The following TBXAS1 variants were observed in gnomAD, a reference collection of about 807,000 sequenced individuals.
TBXAS1 encodes thromboxane A synthase 1.
TBXAS1 carries 48 observed loss-of-function variants against 60.7 expected under a neutral mutation model. The observed-to-expected ratio is 0.79, with a 90% CI of 0.63 to 1.01. The LOEUF (loss-of-function observed/expected upper bound fraction) is 1.01. Ranked by LOEUF, TBXAS1 falls within the 50% of genes least tolerant of loss-of-function variation. The pLI is 0.00. For synonymous variants in TBXAS1, 287 were observed against 269.7 expected (o/e 1.06, Z -0.63); for missense variants, 685 against 686.3 (o/e 1.00, Z 0.02).
At chr7:140,007,045 T>C (rs551267952) in intron 9 of TBXAS1, 46 bp from the exon 10 acceptor site, 13 of 1,533,352 alleles carry the variant, frequency 8.5e-6, no homozygotes, top group Non-Finnish European at 6.3e-6. Flanking sequence ...TGCTGTGAGA[T>C]TTGGGCTAAC....
At chr7:139,784,821 T>A (rs1797135061) in intron 3 of TBXAS1, among the ~76,000 whole-genome samples, 1 of 152,294 alleles carries the variant, frequency 6.6e-6, no homozygotes, top group East Asian at 1.9e-4. Context: ...TGTACAGGAC[T>A]GGAGCTCAGC....
chr7:139,976,101 C>T (rs774309090), intron 9 of TBXAS1, among the ~76,000 whole-genome samples: 3 of 152,122 alleles, frequency 2.0e-5, no homozygotes, highest in Non-Finnish European at 2.9e-5. Context: ...CATCATTTTC[C>T]TTGTTAGGGA....
rs549099255 is a variant in TBXAS1, at chr7:139,863,629, C to T, written c.90-8606C>T. Among the ~76,000 whole-genome samples, 6 of 152,234 alleles carry T rather than the reference C, an allele frequency of 3.9e-5. No homozygotes were observed. The East Asian group carries it at 1.2e-3, about 29-fold the overall frequency. Reference sequence around the variant, plus strand: ...AAATGTACAGAATGCAGATAAAGAACTACTTAGAGGAAGATTTATAGCTTT... The same window carrying T: ...AAATGTACAGAATGCAGATAAAGAATTACTTAGAGGAAGATTTATAGCTTT... On this transcript the variant is annotated intron_variant, in intron 1 of 12. Transcript: ENST00000448866.
chr7:139,918,737 C>T (rs1424377244), intron 4 of TBXAS1, among the ~76,000 whole-genome samples: 4 of 152,248 alleles, frequency 2.6e-5, no homozygotes, highest in African/African-American at 7.2e-5. Flanking sequence ...GCTGACTAGG[C>T]AGATAGAGCC....
intron 9 of TBXAS1, among the ~76,000 whole-genome samples, chr7:139,997,977 T>C (rs1187624811): frequency 2.0e-5 from 3 of 152,188 alleles, no homozygotes; most frequent in Admixed American, 1.3e-4. Flanking sequence ...ACAACTCAAA[T>C]GTCCATTGAC....
intron 5 of TBXAS1, among the ~76,000 whole-genome samples, chr7:139,947,714 A>G (rs1042911628): frequency 1.3e-5 from 2 of 152,176 alleles, no homozygotes; most frequent in Non-Finnish European, 2.9e-5. Context: ...TCAGCCTCAC[A>G]CTCGGCATCA....
At chr7:139,875,941 C>T (rs919711392) in intron 3 of TBXAS1, 13 of 446,944 alleles carry the variant, frequency 2.9e-5, no homozygotes, top group African/African-American at 8.0e-5. Context: ...GGTGTTGCCA[C>T]GGGATGTGGT....
chr7:140,015,525 G>A (rs926094754), intron 10 of TBXAS1, among the ~76,000 whole-genome samples, 198 bp from the exon 11 acceptor site: 5 of 152,180 alleles, frequency 3.3e-5, no homozygotes, highest in Non-Finnish European at 7.3e-5. Context: ...CTCCTGGGCA[G>A]TGAGTGGTAA....
At position 140,003,559 on chromosome 7, in the gene TBXAS1, T is replaced by C. The variant is rs117199647; in HGVS notation, c.1135-3532T>C. Among the ~76,000 whole-genome samples the C allele has an allele frequency of 7.3e-3, 1,109 of 152,356 alleles. 11 individuals are homozygous for C. The highest frequency in any genetic ancestry group is 0.012 in the Non-Finnish European group (835 of 68,030). ...AAGCACAGTTAAAAAGAGAAAAGCC[T>C]ATCTAGGGAAAGAGTAAAGACTTTG... On this transcript the variant is annotated intron_variant, in intron 9 of 12. Coordinates refer to ENST00000448866, the MANE Select transcript of TBXAS1 (RefSeq NM_001061.7).
intron 1 of TBXAS1, among the ~76,000 whole-genome samples, chr7:139,835,849 C>A (rs1799021234): frequency 6.6e-6 from 1 of 152,068 alleles, no homozygotes; most frequent in Admixed American, 6.6e-5. Flanking sequence ...TCACTGTTTG[C>A]TGACAATACA....
intron 9 of TBXAS1, among the ~76,000 whole-genome samples, chr7:139,998,009 G>A (rs7789470): frequency 6.6e-6 from 1 of 152,010 alleles, no homozygotes; most frequent in Non-Finnish European, 1.5e-5. Flanking sequence ...TGGATAAATC[G>A]GGGCAGCTCA....
intron 4 of TBXAS1, among the ~76,000 whole-genome samples, chr7:139,933,109 G>A (rs1807465706): frequency 6.6e-6 from 1 of 152,008 alleles, no homozygotes; most frequent in Non-Finnish European, 1.5e-5. Context: ...ATAATCAATA[G>A]CCCCAAATGA....
At chr7:139,828,388 G>T (rs188178601), upstream of TBXAS1, among the ~76,000 whole-genome samples, 5 of 152,246 alleles carry the variant, frequency 3.3e-5, no homozygotes, top group East Asian at 9.6e-4. Context: ...CAATATTGGG[G>T]GATTGTGTTG....
rs935690936 is a variant in TBXAS1, at chr7:139,882,215, T to C, written c.236+6578T>C. Among the ~76,000 whole-genome samples, 63 of 152,204 alleles carry C rather than the reference T, an allele frequency of 4.1e-4. 1 individual carries two copies. Among genetic ancestry groups the C allele is most frequent in the Admixed American group, 2.6e-4 (4 of 15,278 alleles). On this transcript the variant is annotated intron_variant, in intron 3 of 12. Transcript: ENST00000448866. ...CATCATGGATCAAGAACAACGGGAA[T>C]TGAAGGGCTCTGAAAGACTCACCTG...
At chr7:139,862,185 T>G (rs1421188355) in intron 1 of TBXAS1, among the ~76,000 whole-genome samples, 1 of 152,116 alleles carries the variant, frequency 6.6e-6, no homozygotes, top group African/African-American at 2.4e-5. Flanking sequence ...GGACTGGAGC[T>G]CAGTGGAGAA....
In TBXAS1 at chr7:139,780,397, G is replaced by A. The variant is rs141755390; in HGVS notation, c.-317-343G>A. ...TAGTGGCTACCATTTTGGACAAGGT[G>A]TCTCTAGACTGTAAGCTCAGTAAGG... On this transcript the variant is annotated intron_variant, in intron 1 of 16. Coordinates refer to the TBXAS1 transcript ENST00000336425. 1.9e-3 allele frequency among the ~76,000 whole-genome samples: 292 copies of A among 152,344 alleles called. 1 individual carries two copies. Among genetic ancestry groups the A allele is most frequent in the African/African-American group, 6.7e-3 (277 of 41,582 alleles).
At chr7:139,972,498 A>G (rs139098729) in intron 9 of TBXAS1, among the ~76,000 whole-genome samples, 2 of 152,326 alleles carry the variant, frequency 1.3e-5, no homozygotes, top group East Asian at 1.9e-4. Context: ...TAAAACATCA[A>G]AAGAATGGGT....
intron 9 of TBXAS1, among the ~76,000 whole-genome samples, chr7:139,978,935 A>G (rs916108238): frequency 6.6e-6 from 1 of 152,220 alleles, no homozygotes; most frequent in Non-Finnish European, 1.5e-5. Flanking sequence ...AGCATGGGCG[A>G]CAAAACAATA....
intron 4 of TBXAS1, among the ~76,000 whole-genome samples, chr7:139,930,272 C>CT (rs771826738): frequency 6.6e-5 from 10 of 152,204 alleles, no homozygotes; most frequent in Admixed American, 1.3e-4. Flanking sequence ...TATTGTCCAC[C>CT]TTCTCCCACT....
Sources: allele counts gnomAD v4.1 joint callset (sites outside exome capture counted in the v4.1 genomes callset), GRCh38; gene constraint gnomAD v4.1.1; transcripts MANE v1.5; gene names NCBI Gene and HGNC (gene_info 2026-07-23, HGNC 2026-07-21).